PRR16: variants seen among roughly 807,000 people sequenced by gnomAD.
PRR16 encodes the protein proline rich 16, also known as protein Largen.
PRR16 carries 6 observed loss-of-function variants against 18.2 expected under a neutral mutation model. The observed-to-expected ratio is 0.33, with a 90% CI of 0.18 to 0.65. The LOEUF (loss-of-function observed/expected upper bound fraction) is 0.65. Ranked by LOEUF, PRR16 falls within the 30% of genes least tolerant of loss-of-function variation. PRR16 has a pLI of 0.74. For synonymous variants in PRR16, 151 were observed against 147.8 expected, an observed-to-expected ratio of 1.02 and a Z score of -0.16; for missense variants, 412 against 376.6, an observed-to-expected ratio of 1.09 and a Z score of -0.78.
chr5:120,533,311 A>AT (rs1357978566), intron 1 of PRR16, among the ~76,000 whole-genome samples: 2 of 152,240 alleles, frequency 1.3e-5, no homozygotes, highest in Non-Finnish European at 2.9e-5. Context: ...ACTTGGAGAT[A>AT]TATCAGTAAA....
In PRR16 at chr5:120,582,173, G is replaced by T. The variant is rs567025539; in HGVS notation, c.160-103781G>T. 1.2e-4 allele frequency among the ~76,000 whole-genome samples: 18 copies of T among 152,236 alleles called. No homozygotes were observed. In the South Asian group the frequency reaches 3.7e-3, roughly 32 times the overall value. On this transcript the variant is annotated intron_variant, in intron 1 of 1. Transcript: ENST00000407149. ...TTTCAGCAACATGCCTGGAGCTGGAGATCATTATCCTAAGAGAACTAACTC... is the reference window on the plus strand; with the variant it reads ...TTTCAGCAACATGCCTGGAGCTGGATATCATTATCCTAAGAGAACTAACTC...
At chr5:120,711,869 C>T in the PRR16 span, among the ~76,000 whole-genome samples, 1 of 152,132 alleles carries the variant, frequency 6.6e-6, no homozygotes, top group South Asian at 2.1e-4. Context: ...CAGAGAGAGG[C>T]CAGGAATGTG....
At chr5:120,719,408 C>T in the PRR16 span, among the ~76,000 whole-genome samples, 3 of 151,886 alleles carry the variant, frequency 2.0e-5, no homozygotes, top group African/African-American at 7.2e-5. Flanking sequence ...TAAAGTATTA[C>T]ACAATAAATT....
the PRR16 span, among the ~76,000 whole-genome samples, chr5:120,787,309 G>A: frequency 2.6e-5 from 4 of 152,052 alleles, no homozygotes; most frequent in Non-Finnish European, 1.5e-5. Flanking sequence ...AGCAATTTGA[G>A]GCTTTGTTTA....
rs1757128792 is a variant in PRR16 at position 120,686,481 on chromosome 5, G to T, written c.687G>T (p.Arg229Ser). 1 of 1,613,942 alleles carries T rather than the reference G, an allele frequency of 6.2e-7. No individual in the cohort carries two copies. The highest frequency in any genetic ancestry group is 2.2e-5 in the East Asian group (1 of 44,868). ...ATACCCGGTATAACATAAAAAACAGGGAGGTCCACTTACACAGTGAACCTG... is the reference window on the plus strand; with the variant it reads ...ATACCCGGTATAACATAAAAAACAGTGAGGTCCACTTACACAGTGAACCTG... ...DCDTRYNIKN[R>S]EVHLHSEPVH... is the part of the protein sequence containing the mutation. Residue 229 changes from arginine (R) to serine (S), a missense_variant, in exon 2 of 2, where the codon AGG (arginine) becomes AGT (serine). Coordinates refer to ENST00000407149, the MANE Select transcript of PRR16 (RefSeq NM_001300783.2).
rs958417402 is a variant in PRR16 at position 120,617,111 on chromosome 5, T to C, written c.160-68843T>C. ...TTTTAACAGAAGCTCCATTACCTAC[T>C]CCCACCTCCCCACATGATGAAACAG... On this transcript the variant is annotated intron_variant, in intron 1 of 1. Coordinates refer to ENST00000407149, the MANE Select transcript of PRR16 (RefSeq NM_001300783.2). 5 of 985,094 alleles carry C rather than the reference T, an allele frequency of 5.1e-6. No homozygotes were observed. The African/African-American group carries it at 8.7e-5, about 17-fold the overall frequency. 61.0% of individuals were successfully genotyped at this position (985,094 alleles called of 1,614,324 possible). A position where few individuals can be genotyped will look rare whatever the true frequency, so the allele number is the denominator to read the frequency against.
At chr5:120,464,283 G>T (rs984127846), upstream of PRR16, 17 of 373,550 alleles carry the variant, frequency 4.6e-5, no homozygotes, top group Non-Finnish European at 6.8e-5. Context: ...GCCCCGAGCC[G>T]AGCGCCGCGT....
chr5:120,611,955 G>A (rs574020665), intron 1 of PRR16, among the ~76,000 whole-genome samples: 84 of 152,288 alleles, frequency 5.5e-4, no homozygotes, highest in African/African-American at 1.8e-3. Context: ...GCTGTACCCT[G>A]CACAGCCATG....
At chr5:120,722,219 G>A in the PRR16 span, among the ~76,000 whole-genome samples, 3 of 151,958 alleles carry the variant, frequency 2.0e-5, no homozygotes, top group Non-Finnish European at 4.4e-5. Context: ...TTTTATGGCT[G>A]CATAGTATTC....
the PRR16 span, among the ~76,000 whole-genome samples, chr5:120,703,070 G>T: frequency 2.0e-5 from 3 of 152,170 alleles, no homozygotes; most frequent in African/African-American, 4.8e-5. Context: ...GTCAGCGAAG[G>T]GAGATAAGGG....
intron 1 of PRR16, among the ~76,000 whole-genome samples, chr5:120,657,478 T>C (rs565011033): frequency 1.3e-5 from 2 of 152,050 alleles, no homozygotes; most frequent in Non-Finnish European, 2.9e-5. Flanking sequence ...TGAAAATTGG[T>C]AAATGACACA....
chr5:120,603,191 C>T (rs1191118218), intron 1 of PRR16, among the ~76,000 whole-genome samples: 1 of 151,966 alleles, frequency 6.6e-6, no homozygotes, highest in African/African-American at 2.4e-5. Context: ...TTGTTTGGCC[C>T]AGGACATTTC....
chr5:120,747,869 A>G, the PRR16 span, among the ~76,000 whole-genome samples: 3 of 151,856 alleles, frequency 2.0e-5, no homozygotes, highest in African/African-American at 7.2e-5. Context: ...GACTTTATGT[A>G]AAAAAAACAA....
chr5:120,504,141 A>G (rs1490662978), intron 1 of PRR16, among the ~76,000 whole-genome samples: 2 of 151,962 alleles, frequency 1.3e-5, no homozygotes, highest in Non-Finnish European at 2.9e-5. Context: ...GTCATTTAGC[A>G]TTAGGTATAT....
At chr5:120,720,398 G>T in the PRR16 span, among the ~76,000 whole-genome samples, 1 of 151,652 alleles carries the variant, frequency 6.6e-6, no homozygotes, top group East Asian at 1.9e-4. Flanking sequence ...GAAAATATAT[G>T]CATCTTTCTT....
chr5:120,714,203 G>A, the PRR16 span, among the ~76,000 whole-genome samples: 4 of 151,926 alleles, frequency 2.6e-5, no homozygotes, highest in South Asian at 8.3e-4. Context: ...AATTAATATT[G>A]AGCAATTTAT....
At chr5:120,606,904 TAA>T (rs34216613) in intron 1 of PRR16, among the ~76,000 whole-genome samples, 1 of 149,214 alleles carries the variant, frequency 6.7e-6, no homozygotes, top group Non-Finnish European at 1.5e-5. Context: ...GACCCTTTCT[TAA>T]AAAAAAAAAT....
intron 1 of PRR16, among the ~76,000 whole-genome samples, chr5:120,516,507 ACACACACG>A (rs1447323936): frequency 5.9e-5 from 9 of 151,378 alleles, no homozygotes; most frequent in African/African-American, 1.9e-4. Context: ...ACACACACAC[ACACACACG>A]CATATACATT....
At chr5:120,514,867 G>C (rs1027242885) in intron 1 of PRR16, among the ~76,000 whole-genome samples, 5 of 151,906 alleles carry the variant, frequency 3.3e-5, no homozygotes, top group African/African-American at 1.2e-4. Flanking sequence ...TGGCAATTTG[G>C]GTTTTTTTTC....
Sources: gnomAD v4.1 joint callset for allele counts (sites outside exome capture counted in the v4.1 genomes callset) on GRCh38, gnomAD v4.1.1 for gene constraint, MANE v1.5 for transcripts, NCBI Gene and HGNC (gene_info 2026-07-23, HGNC 2026-07-21) for gene names.